AGAP3: variants seen among roughly 807,000 people sequenced by gnomAD.
The protein encoded by AGAP3 is ArfGAP with GTPase domain, ankyrin repeat and PH domain 3.
In AGAP3, 24 loss-of-function variants were observed where a neutral mutation model predicts 96.9. The observed-to-expected ratio is 0.25, with a 90% CI of 0.18 to 0.35. The LOEUF (loss-of-function observed/expected upper bound fraction) is 0.35, where lower values mean the gene tolerates loss of function less well. Among genes scored for constraint, AGAP3 ranks in the 10% least tolerant of loss-of-function variants. AGAP3 has a pLI of 1.00. For missense variants in AGAP3, 876 were observed against 1,254.2 expected, an observed-to-expected ratio of 0.70 and a Z score of 4.55; for synonymous variants, 563 against 536.1, an observed-to-expected ratio of 1.05 and a Z score of -0.69.
At position 151,142,729 on chromosome 7, in the gene AGAP3, AG is replaced by A; in HGVS notation, c.2273+98del. On this transcript the variant is annotated intron_variant, in intron 16 of 17. Transcript: ENST00000397238. The surrounding 1 kb of genome is among the most constrained non-coding windows in gnomAD (Gnocchi z 7.5). ...TTGGAGTGGCTGTGATGGTATTAGA[AG>A]GGTTAAAACTGTCTGTTGCTCTGCT... 7.4e-7 allele frequency: 1 copy of A among 1,352,044 alleles called. No individual in the cohort carries two copies. The highest frequency in any genetic ancestry group is 1.0e-6 in the Non-Finnish European group (1 of 983,504). The allele number at this position is 1,352,044 out of a possible 1,614,324, so 83.8% of individuals were successfully genotyped here.
intron 9 of AGAP3, among the ~76,000 whole-genome samples, chr7:151,125,597 G>C (rs1053580825): frequency 6.6e-6 from 1 of 152,192 alleles, no homozygotes; most frequent in African/African-American, 2.4e-5. Flanking sequence ...ACGATCGCTC[G>C]CTAGGGGCGG....
rs979654959 is a variant in AGAP3 at position 151,142,365 on chromosome 7, T to C, written c.2051-47T>C. 17 of 1,601,738 alleles carry C rather than the reference T, an allele frequency of 1.1e-5. No homozygotes were observed. The highest frequency in any genetic ancestry group is 1.5e-5 in the Non-Finnish European group (17 of 1,170,388). On this transcript the variant is annotated intron_variant, in intron 15 of 17. Coordinates refer to ENST00000397238, the MANE Select transcript of AGAP3 (RefSeq NM_031946.7). This position sits in a 1 kb window ranked among gnomAD's most constrained non-coding sequence, Gnocchi z 7.5. ...AGCCTTCCCTAGTTGTCCCGCGCTC[T>C]GGTGGCCTGCCTGCTGTCGCTGTAT...
At chr7:151,105,792 C>CCACACACA (rs60071807) in intron 1 of AGAP3, among the ~76,000 whole-genome samples, 1,192 of 26,810 alleles carry the variant, frequency 0.044, 48 homozygotes, top group African/African-American at 0.089. Flanking sequence ...CCCCCCGACA[C>CCACACACA]CACACACACA....
At chr7:151,113,251 G>A (rs1171411531) in intron 1 of AGAP3, among the ~76,000 whole-genome samples, 1 of 152,210 alleles carries the variant, frequency 6.6e-6, no homozygotes, top group African/African-American at 2.4e-5. Context: ...TGGGGACCTG[G>A]GAAGGGCCCC....
chr7:151,125,685 T>G (rs1009114038), intron 9 of AGAP3, among the ~76,000 whole-genome samples: 6 of 152,330 alleles, frequency 3.9e-5, no homozygotes, highest in African/African-American at 1.4e-4. Context: ...CCCCGCCAGA[T>G]CTGCAGCCCC....
In AGAP3 at chr7:151,117,471, C is replaced by T. The variant is rs768695091; in HGVS notation, c.564+15C>T. The T allele has an allele frequency of 1.2e-6, 2 of 1,614,110 alleles. No homozygotes were observed. The highest frequency in any genetic ancestry group is 3.3e-5 in the Admixed American group (2 of 60,020). On this transcript the variant is annotated intron_variant, in intron 4 of 17. Coordinates refer to ENST00000397238, the MANE Select transcript of AGAP3 (RefSeq NM_031946.7). The stretch of plus-strand genomic sequence containing the variant: ...CTGAGCTCCAGGTGATGCTCCTGCC[C>T]AGGGTTAGGGCCCACCGCTGTGCCT...
chr7:151,117,951 T>C (rs1799676363), intron 5 of AGAP3, 174 bp downstream of exon 5: 1 of 975,798 alleles, frequency 1.0e-6, no homozygotes, highest in Admixed American at 3.0e-5. Flanking sequence ...TTGCCCCCAC[T>C]GAAACCTGCT....
chr7:151,107,036 G>A (rs767890267), intron 1 of AGAP3, among the ~76,000 whole-genome samples: 3 of 152,194 alleles, frequency 2.0e-5, no homozygotes, highest in African/African-American at 7.2e-5. Flanking sequence ...GCGGCCGGGC[G>A]TGGTGGCTCA....
At chr7:151,087,478 A>G (rs1470000026) in intron 1 of AGAP3, among the ~76,000 whole-genome samples, 1 of 152,028 alleles carries the variant, frequency 6.6e-6, no homozygotes, top group Non-Finnish European at 1.5e-5. Context: ...GCCTCGCGTT[A>G]GTGGATGGCA....
chr7:151,118,868 G>A lies in AGAP3; in HGVS notation c.969+236G>A, dbSNP rs528334781. Among the ~76,000 whole-genome samples the A allele has an allele frequency of 6.6e-6, 1 of 152,100 alleles. No individual in the cohort carries two copies. The highest frequency in any genetic ancestry group is 1.5e-5 in the Non-Finnish European group (1 of 68,020). ...CCCGCTGCAATCCCCACTTCTCTCT[G>A]CTCTCCACCATTCCACAGCCTGCAT... is the stretch of plus-strand genomic sequence containing the variant. On this transcript the variant is annotated intron_variant, in intron 7 of 17. Coordinates refer to ENST00000397238, the MANE Select transcript of AGAP3 (RefSeq NM_031946.7). The surrounding 1 kb of genome is among the most constrained non-coding windows in gnomAD (Gnocchi z 6.1).
intron 1 of AGAP3, among the ~76,000 whole-genome samples, chr7:151,109,322 G>A (rs1799188091): frequency 6.6e-6 from 1 of 152,152 alleles, no homozygotes; most frequent in African/African-American, 2.4e-5. Context: ...GTGATTGCCT[G>A]GTTAACAGAG....
In AGAP3 at chr7:151,141,630, G is replaced by T; in HGVS notation, c.1805-268G>T. On this transcript the variant is annotated intron_variant, in intron 13 of 17. Transcript: ENST00000397238. The surrounding 1 kb of genome is among the most constrained non-coding windows in gnomAD (Gnocchi z 4.2). ...TCACACCCATTCCCGGCAGTGCCAG[G>T]GGTGCCAAGATCTTGCATCCCCCAT... 1 of 486,036 alleles carries T rather than the reference G, an allele frequency of 2.1e-6. No homozygotes were observed. Among genetic ancestry groups the T allele is most frequent in the Non-Finnish European group, 3.8e-6 (1 of 266,186 alleles). 30.1% of individuals were successfully genotyped at this position (486,036 alleles called of 1,614,324 possible). A position where few individuals can be genotyped will look rare whatever the true frequency, so the allele number is the denominator to read the frequency against.
intron 1 of AGAP3, among the ~76,000 whole-genome samples, chr7:151,087,507 C>T (rs1172471394): frequency 1.3e-5 from 2 of 152,120 alleles, no homozygotes; most frequent in African/African-American, 4.8e-5. Context: ...GGGCCCAGCG[C>T]CCGCAGGCCC....
chr7:151,138,682 G>A (rs958282326), intron 12 of AGAP3, among the ~76,000 whole-genome samples: 2 of 152,194 alleles, frequency 1.3e-5, no homozygotes, highest in Non-Finnish European at 2.9e-5. Flanking sequence ...TCAGCCCCCC[G>A]CGCAGTTAGC....
rs1327313669 is a variant in AGAP3 at position 151,142,787 on chromosome 7, G to C, written c.2273+153G>C. Among the ~76,000 whole-genome samples the C allele has an allele frequency of 1.3e-5, 2 of 152,220 alleles. No homozygotes were observed. The highest frequency in any genetic ancestry group is 2.4e-5 in the African/African-American group (1 of 41,452). On this transcript the variant is annotated intron_variant, in intron 16 of 17. Coordinates refer to ENST00000397238, the MANE Select transcript of AGAP3 (RefSeq NM_031946.7). The surrounding 1 kb of genome is among the most constrained non-coding windows in gnomAD (Gnocchi z 7.5). ...TTGGCCCCTTGGGGGTGCCCCTCCT[G>C]CTCTGGTGCCTGTCACTCAGGCGCC...
At chr7:151,095,010 G>C (rs1798542988) in intron 1 of AGAP3, among the ~76,000 whole-genome samples, 1 of 151,396 alleles carries the variant, frequency 6.6e-6, no homozygotes, top group Non-Finnish European at 1.5e-5. Context: ...GAGTAGCTGG[G>C]ACTCAGGCAT....
In AGAP3 at chr7:151,143,779, C is replaced by A. The variant is rs762343034; in HGVS notation, c.2572C>A (p.Pro858Thr). The A allele has an allele frequency of 3.1e-6, 5 of 1,614,140 alleles. No homozygotes were observed. Among genetic ancestry groups the A allele is most frequent in the Non-Finnish European group, 4.2e-6 (5 of 1,180,048 alleles). Residue 858 changes from proline (P) to threonine (T), a missense_variant, in exon 18 of 18, where the codon CCA becomes ACA. Physicochemically the swap from Pro to Thr is conservative, Grantham distance 38. Transcript: ENST00000397238. The surrounding 1 kb of genome is among the most constrained non-coding windows in gnomAD (Gnocchi z 5.9). ...VRSRDARGLT[P>T]LAYARRAGSQ... ...GAGCCGGGACGCCCGGGGCCTGACT[C>A]CACTGGCATATGCTCGCCGGGCCGG... is the stretch of plus-strand genomic sequence containing the variant.
chr7:151,138,281 C>T lies in AGAP3; in HGVS notation c.1634C>T (p.Thr545Ile), dbSNP rs1293522357. 2 of 1,612,680 alleles carry T rather than the reference C, an allele frequency of 1.2e-6. No homozygotes were observed. The highest frequency in any genetic ancestry group is 2.2e-5 in the East Asian group (1 of 44,862). Residue 545 changes from threonine to isoleucine, a missense_variant, in exon 12 of 18, where the codon ACC becomes ATC. This residue lies in a region of AGAP3 where 155 missense variants were observed against 144.4 expected (regional missense o/e 1.07). Coordinates refer to ENST00000397238, the MANE Select transcript of AGAP3 (RefSeq NM_031946.7). Reference protein sequence around the residue: ...VSSADQWSEATTSLPPGMQHP... With the variant: ...VSSADQWSEAITSLPPGMQHP... ...AGCGCCGACCAGTGGAGTGAGGCCACCACTTCCCTGCCCCCAGGCATGCAG... is the reference window on the plus strand; with the variant it reads ...AGCGCCGACCAGTGGAGTGAGGCCATCACTTCCCTGCCCCCAGGCATGCAG...
At chr7:151,126,135 T>C in intron 9 of AGAP3, among the ~76,000 whole-genome samples, 1 of 151,350 alleles carries the variant, frequency 6.6e-6, no homozygotes, top group South Asian at 2.1e-4. Flanking sequence ...AGCGGCTCCC[T>C]CGCCTCCGCC....
Sources: gnomAD v4.1 joint callset for allele counts (sites outside exome capture counted in the v4.1 genomes callset) on GRCh38, gnomAD v4.1.1 for gene constraint, gnomAD v4.1.1 regional missense constraint, Gnocchi (gnomAD v3.1) non-coding constraint, MANE v1.5 for transcripts, NCBI Gene and HGNC (gene_info 2026-07-23, HGNC 2026-07-21) for gene names.